The following LIMS2 variants were observed in gnomAD, a reference collection of about 807,000 sequenced individuals.
LIMS2 encodes LIM zinc finger domain containing 2.
LIMS2 carries 30 observed loss-of-function variants against 45.3 expected under a neutral mutation model. That is an observed-to-expected ratio of 0.66 (90% CI 0.50 to 0.90). The LOEUF is 0.90. Ranked by LOEUF, LIMS2 falls within the 40% of genes least tolerant of loss-of-function variation. The probability of loss-of-function intolerance (pLI) is 0.00; values close to 1 mark genes in which losing one functional copy is unlikely to be tolerated. For synonymous variants in LIMS2, 173 were observed against 188.0 expected (o/e 0.92, Z 0.65); for missense variants, 485 against 468.7 (o/e 1.03, Z -0.32).
chr2:127,673,717 G>A (rs969294520), intron 1 of LIMS2: 2 of 1,551,530 alleles, frequency 1.3e-6, no homozygotes, highest in Non-Finnish European at 1.7e-6. Context: ...TCCGGACCCT[G>A]TTCCTGTCTC....
rs1369243071 is a variant in LIMS2 at position 127,667,298 on chromosome 2, G to GA, written c.11+7715dup. Among the ~76,000 whole-genome samples, 3 of 151,392 alleles carry GA rather than the reference G, an allele frequency of 2.0e-5. No individual in the cohort carries two copies. Among genetic ancestry groups the GA allele is most frequent in the Non-Finnish European group, 3.0e-5 (2 of 67,770 alleles). Reference sequence around the variant, plus strand: ...AGAGTGAGATCTTGTCTCAAAAAGAGAAAAAAACAAAAAACAAAAAACAAC... The same window carrying GA: ...AGAGTGAGATCTTGTCTCAAAAAGAGAAAAAAAACAAAAAACAAAAAACAAC... On this transcript the variant is annotated intron_variant, in intron 1 of 9. Coordinates refer to ENST00000355119, the MANE Select transcript of LIMS2 (RefSeq NM_001161403.3). The surrounding 1 kb of genome is among the most constrained non-coding windows in gnomAD (Gnocchi z 4.1).
At position 127,664,710 on chromosome 2, in the gene LIMS2, C is replaced by G. The variant is rs1371524436; in HGVS notation, c.12-7148G>C. 1.6e-6 allele frequency: 1 copy of G among 642,350 alleles called. No individual in the cohort carries two copies. The highest frequency in any genetic ancestry group is 2.0e-5 in the African/African-American group (1 of 50,420). The allele number at this position is 642,350 out of a possible 1,614,324, so 39.8% of individuals were successfully genotyped here. A position where few individuals can be genotyped will look rare whatever the true frequency, so the allele number is the denominator to read the frequency against. The stretch of plus-strand genomic sequence containing the variant: ...AGCACTGAGGTGAGGTCCACAGTGG[C>G]GGCAGGACACCCAGGAGGTCTCCGG... On this transcript the variant is annotated intron_variant, in intron 1 of 9. Transcript: ENST00000355119. This position sits in a 1 kb window ranked among gnomAD's most constrained non-coding sequence, Gnocchi z 5.5.
chr2:127,674,881 C>A, intron 1 of LIMS2, 133 bp downstream of exon 1: 1 of 1,214,332 alleles, frequency 8.2e-7, no homozygotes, highest in Non-Finnish European at 1.0e-6. Flanking sequence ...GCCCCGGCAG[C>A]TGCGAGAATC....
intron 1 of LIMS2, among the ~76,000 whole-genome samples, chr2:127,662,221 A>G (rs1684716432): frequency 6.6e-6 from 1 of 152,184 alleles, no homozygotes; most frequent in Admixed American, 6.5e-5. Flanking sequence ...TGGGCCAGGA[A>G]TAGCTACCTC....
At chr2:127,654,342 G>C in intron 4 of LIMS2, 82 bp downstream of exon 4, 1 of 1,588,490 alleles carries the variant, frequency 6.3e-7, no homozygotes, top group Admixed American at 1.7e-5. Context: ...CCCTCAGCAA[G>C]TGGGTAGCAC....
chr2:127,661,914 C>G (rs937937673), intron 1 of LIMS2, among the ~76,000 whole-genome samples: 1 of 152,184 alleles, frequency 6.6e-6, no homozygotes, highest in East Asian at 1.9e-4. Flanking sequence ...TTGGCATCCC[C>G]CATTCCGGAT....
intron 7 of LIMS2, chr2:127,640,531 G>T (rs1682301036): frequency 4.8e-6 from 3 of 621,020 alleles, no homozygotes; most frequent in Non-Finnish European, 8.5e-6. Flanking sequence ...TTGCTCCCCA[G>T]AAGGCCCCTC....
At chr2:127,660,746 C>A (rs1382162183) in intron 1 of LIMS2, among the ~76,000 whole-genome samples, 1 of 152,238 alleles carries the variant, frequency 6.6e-6, no homozygotes, top group Admixed American at 6.5e-5. Flanking sequence ...CAATGCTGGA[C>A]ACACCTGGTC....
chr2:127,675,829 G>A (rs557386700), upstream of LIMS2, among the ~76,000 whole-genome samples: 5 of 152,336 alleles, frequency 3.3e-5, no homozygotes. Context: ...GGCTAAAGCC[G>A]AGAGGCGTCC....
At chr2:127,646,860 C>T (rs1406555925) in intron 4 of LIMS2, among the ~76,000 whole-genome samples, 4 of 152,238 alleles carry the variant, frequency 2.6e-5, no homozygotes, top group Admixed American at 6.5e-5. Context: ...GAGAGTGAAG[C>T]GGGGCCCATC....
At position 127,653,015 on chromosome 2, in the gene LIMS2, T is replaced by TGTG. The variant is rs749622980; in HGVS notation, c.359+1408_359+1409insCAC. ...CGCTCCACACACCCTGTCGGCGACGTTGCTGGTCAGCACGAGCTCCTGGTG... is the reference window on the plus strand; with the variant it reads ...CGCTCCACACACCCTGTCGGCGACGTGTGTGCTGGTCAGCACGAGCTCCTGGTG... On this transcript the variant is annotated intron_variant, in intron 4 of 9. Coordinates refer to ENST00000355119, the MANE Select transcript of LIMS2 (RefSeq NM_001161403.3). This position sits in a 1 kb window ranked among gnomAD's most constrained non-coding sequence, Gnocchi z 5.3. Among the ~76,000 whole-genome samples, 26 of 152,240 alleles carry TGTG rather than the reference T, an allele frequency of 1.7e-4. No individual in the cohort carries two copies. Among genetic ancestry groups the TGTG allele is most frequent in the Non-Finnish European group, 2.9e-4 (20 of 68,034 alleles).
intron 1 of LIMS2, among the ~76,000 whole-genome samples, chr2:127,660,609 C>T (rs1340728473): frequency 2.0e-5 from 3 of 152,184 alleles, no homozygotes; most frequent in Non-Finnish European, 2.9e-5. Flanking sequence ...GAAGAAACTC[C>T]GGACATATCT....
chr2:127,651,403 T>C (rs1372356338), intron 4 of LIMS2: 3 of 1,612,830 alleles, frequency 1.9e-6, no homozygotes, highest in Non-Finnish European at 8.5e-7. Context: ...CGGCAGGGCC[T>C]GCGTGTGGAG....
At chr2:127,679,638 G>A (rs1573858624), upstream of LIMS2, among the ~76,000 whole-genome samples, 1 of 152,092 alleles carries the variant, frequency 6.6e-6, no homozygotes, top group African/African-American at 2.4e-5. The surrounding 1 kb of genome is among the most constrained non-coding windows in gnomAD (Gnocchi z 5.3). Context: ...CTACTCCAGG[G>A]GACAGCTACC....
At chr2:127,641,108 C>T in intron 6 of LIMS2, 120 bp from the exon 7 acceptor site, 2 of 718,892 alleles carry the variant, frequency 2.8e-6, no homozygotes, top group Admixed American at 4.3e-5. Context: ...ACCACAGTGG[C>T]CCCAGGAGGC....
chr2:127,641,553 C>T (rs1197755821), intron 6 of LIMS2: 1 of 162,624 alleles, frequency 6.1e-6, no homozygotes, highest in Non-Finnish European at 1.3e-5. Flanking sequence ...AGCTTCCGGA[C>T]ACAGCGCTGG....
Position 127,654,537 on chromosome 2 carries a change from G to T in LIMS2, c.246C>A (p.Phe82Leu). The change falls in exon 4 of 10, where the codon TTC becomes TTA. Residue 82 changes from phenylalanine to leucine, a missense_variant. Transcript: ENST00000355119. ...TGGCCTTGATGACGCGGCCAATGAT[G>T]AACTCACCTGGAAGAAGACAGGTCC... ...FAPCCGSCGE[F>L]IIGRVIKAMN... 1 of 1,614,098 alleles carries T rather than the reference G, an allele frequency of 6.2e-7. No individual in the cohort carries two copies. The highest frequency in any genetic ancestry group is 8.5e-7 in the Non-Finnish European group (1 of 1,180,010).
At chr2:127,650,525 G>C (rs1170683722) in intron 4 of LIMS2, 1 of 585,648 alleles carries the variant, frequency 1.7e-6, no homozygotes. Context: ...GCCTTGTGCT[G>C]AAGTTCAGAA....
At position 127,639,117 on chromosome 2, in the gene LIMS2, T is replaced by G; in HGVS notation, c.*164A>C. The G allele has an allele frequency of 2.8e-6, 2 of 717,454 alleles. No homozygotes were observed. The highest frequency in any genetic ancestry group is 1.8e-5 in the African/African-American group (1 of 55,498). The allele number at this position is 717,454 out of a possible 1,614,324, so 44.4% of individuals were successfully genotyped here. On this transcript the variant is annotated 3_prime_UTR_variant, in exon 10 of 10. Coordinates refer to ENST00000355119, the MANE Select transcript of LIMS2 (RefSeq NM_001161403.3). ...GCCACGGCCAAGGAGAGGAGAGACA[T>G]GGGGAAGGCAGAGATGAGGGAACAG...
Sources: allele counts gnomAD v4.1 joint callset (sites outside exome capture counted in the v4.1 genomes callset), GRCh38; gene constraint gnomAD v4.1.1; non-coding constraint Gnocchi (gnomAD v3.1); transcripts MANE v1.5; gene names NCBI Gene and HGNC (gene_info 2026-07-23, HGNC 2026-07-21).